PRKD1: variants seen among roughly 807,000 people sequenced by gnomAD.
PRKD1 encodes the protein serine/threonine-protein kinase D1.
Under a neutral mutation model 95.9 loss-of-function variants are expected in PRKD1, and 63 were observed. The ratio of observed to expected loss-of-function variants is 0.66; its 90% confidence interval spans 0.54 to 0.81. The LOEUF (loss-of-function observed/expected upper bound fraction) is 0.81. PRKD1 is among the 30% of genes least tolerant of loss of function. PRKD1 has a pLI of 0.00. For synonymous variants in PRKD1, 425 were observed against 423.1 expected (o/e 1.00, Z -0.05); for missense variants, 1,048 against 1,165.3 (o/e 0.90, Z 1.47).
chr14:29,811,370 G>A (rs1236485000), intron 1 of PRKD1, among the ~76,000 whole-genome samples: 1 of 152,140 alleles, frequency 6.6e-6, no homozygotes, highest in Non-Finnish European at 1.5e-5. Flanking sequence ...AATGCTCTGT[G>A]CACCACCTAG....
chr14:29,829,442 T>C (rs568915021), intron 1 of PRKD1, among the ~76,000 whole-genome samples: 4 of 152,332 alleles, frequency 2.6e-5, no homozygotes, highest in Admixed American at 6.5e-5. Flanking sequence ...TGTCTCTTAT[T>C]TAGGGAAGAG....
At chr14:29,906,093 T>C (rs1894485240) in intron 1 of PRKD1, among the ~76,000 whole-genome samples, 3 of 151,958 alleles carry the variant, frequency 2.0e-5, no homozygotes, top group Non-Finnish European at 4.4e-5. Flanking sequence ...AAAACCCTTT[T>C]AAAAATCCCA....
chr14:29,600,101 T>C (rs1448494272), intron 13 of PRKD1, among the ~76,000 whole-genome samples: 1 of 152,188 alleles, frequency 6.6e-6, no homozygotes, highest in African/African-American at 2.4e-5. Context: ...GAATACCATA[T>C]TGAGAAATCT....
chr14:29,852,122 A>C (rs1222576493), intron 1 of PRKD1, among the ~76,000 whole-genome samples: 1 of 152,126 alleles, frequency 6.6e-6, no homozygotes, highest in East Asian at 1.9e-4. Context: ...AAAACTACCT[A>C]GTGGGTACTA....
At position 29,758,320 on chromosome 14, in the gene PRKD1, C is replaced by A. The variant is rs544368136; in HGVS notation, c.265-32646G>T. On this transcript the variant is annotated intron_variant, in intron 1 of 17. Transcript: ENST00000331968. ...ACTGAGCCAAACCTTAGCAACCATA[C>A]AGACTTGATCGAGAGGTGGATACAA... Among the ~76,000 whole-genome samples the A allele has an allele frequency of 5.3e-4, 81 of 152,216 alleles. 1 individual carries two copies. The Middle Eastern group carries it at 0.024, about 45-fold the overall frequency.
intron 1 of PRKD1, among the ~76,000 whole-genome samples, chr14:29,796,348 T>C (rs1889814258): frequency 6.6e-6 from 1 of 152,164 alleles, no homozygotes; most frequent in Non-Finnish European, 1.5e-5. Flanking sequence ...TTCAAAATTA[T>C]CACTTTATTG....
In PRKD1 at chr14:29,880,774, G is replaced by A. The variant is rs138934035; in HGVS notation, c.264+46475C>T. Reference sequence around the variant, plus strand: ...CCATGGGAACCCACCTCTTCCATCAGTGTGACCTGGATGTGAGACCTGGAG... The same window carrying A: ...CCATGGGAACCCACCTCTTCCATCAATGTGACCTGGATGTGAGACCTGGAG... On this transcript the variant is annotated intron_variant, in intron 1 of 17. Transcript: ENST00000331968. Among the ~76,000 whole-genome samples the A allele has an allele frequency of 9.5e-4, 145 of 152,332 alleles. 3 individuals carry two copies. Among genetic ancestry groups the A allele is most frequent in the African/African-American group, 3.4e-3 (140 of 41,578 alleles).
chr14:29,690,483 C>A (rs1212344336), intron 2 of PRKD1, among the ~76,000 whole-genome samples: 1 of 152,148 alleles, frequency 6.6e-6, no homozygotes, highest in Non-Finnish European at 1.5e-5. Context: ...GTACCTAAAA[C>A]TCCTACTTTT....
chr14:29,737,307 C>T (rs555207699), intron 1 of PRKD1, among the ~76,000 whole-genome samples: 3 of 108,652 alleles, frequency 2.8e-5, no homozygotes, highest in East Asian at 3.0e-4. Flanking sequence ...CCGGCCTGGG[C>T]GACAGAGCGA....
intron 13 of PRKD1, among the ~76,000 whole-genome samples, chr14:29,616,320 G>C (rs1368228256): frequency 6.7e-6 from 1 of 148,730 alleles, no homozygotes; most frequent in African/African-American, 2.5e-5. Flanking sequence ...AATGACAAGA[G>C]GGAAATTTAT....
At chr14:29,899,467 T>C (rs2139427209) in intron 1 of PRKD1, among the ~76,000 whole-genome samples, 1 of 152,112 alleles carries the variant, frequency 6.6e-6, no homozygotes, top group East Asian at 1.9e-4. Flanking sequence ...GTCAACATGG[T>C]AAAACCCCAT....
At chr14:29,737,799 TGA>T (rs1247931417) in intron 1 of PRKD1, among the ~76,000 whole-genome samples, 2 of 152,208 alleles carry the variant, frequency 1.3e-5, no homozygotes, top group Non-Finnish European at 2.9e-5. Context: ...CTGGATCATT[TGA>T]GAGAACCAAG....
intron 17 of PRKD1, among the ~76,000 whole-genome samples, chr14:29,578,074 T>C (rs1326051966): frequency 6.6e-6 from 1 of 152,100 alleles, no homozygotes; most frequent in African/African-American, 2.4e-5. Flanking sequence ...GTATCTCTTC[T>C]ATCAAATTAT....
intron 1 of PRKD1, among the ~76,000 whole-genome samples, chr14:29,894,036 C>G (rs1894032873): frequency 6.6e-6 from 1 of 152,180 alleles, no homozygotes; most frequent in South Asian, 2.1e-4. Flanking sequence ...TACATAGTCA[C>G]ACCACCTGCT....
intron 1 of PRKD1, among the ~76,000 whole-genome samples, chr14:29,904,761 T>C (rs1160726177): frequency 6.6e-6 from 1 of 152,182 alleles, no homozygotes; most frequent in East Asian, 1.9e-4. Context: ...TTCTTATCCA[T>C]AGATTCAAAG....
At chr14:29,770,004 T>A (rs1888431966) in intron 1 of PRKD1, among the ~76,000 whole-genome samples, 1 of 152,132 alleles carries the variant, frequency 6.6e-6, no homozygotes, top group Admixed American at 6.6e-5. Context: ...CCCTCATGAA[T>A]GGGATTAGTG....
intron 1 of PRKD1, among the ~76,000 whole-genome samples, chr14:29,791,863 A>G (rs570274906): frequency 1.0e-3 from 154 of 152,254 alleles, no homozygotes; most frequent in African/African-American, 3.5e-3. Context: ...TCAGGATTGG[A>G]ATAGCTGGAA....
intron 16 of PRKD1, among the ~76,000 whole-genome samples, chr14:29,593,147 T>A (rs1317416932): frequency 1.3e-5 from 2 of 152,168 alleles, no homozygotes; most frequent in African/African-American, 4.8e-5. Flanking sequence ...AATTCACATA[T>A]GAGTGTTTAG....
intron 7 of PRKD1, among the ~76,000 whole-genome samples, chr14:29,635,075 T>C (rs1880281329): frequency 6.6e-6 from 1 of 151,848 alleles, no homozygotes; most frequent in Non-Finnish European, 1.5e-5. Flanking sequence ...AAGCACCTCA[T>C]ATTTTGGGTT....
Sources: gnomAD v4.1 joint callset for allele counts (sites outside exome capture counted in the v4.1 genomes callset) on GRCh38, gnomAD v4.1.1 for gene constraint, MANE v1.5 for transcripts, NCBI Gene and HGNC (gene_info 2026-07-23, HGNC 2026-07-21) for gene names.